Variants in CCDC191 observed in about 807,000 individuals in gnomAD.
The protein encoded by CCDC191 is coiled-coil domain-containing protein 191.
A neutral mutation model predicts 114.0 loss-of-function variants in CCDC191; 99 were observed. That is an observed-to-expected ratio of 0.87 (90% CI 0.74 to 1.03). The LOEUF is 1.03. Among genes scored for constraint, CCDC191 ranks in the 50% least tolerant of loss-of-function variants. CCDC191 has a pLI of 0.00. For missense variants in CCDC191, 973 were observed against 1,087.0 expected (o/e 0.90, Z 1.47); for synonymous variants, 351 against 376.0 (o/e 0.93, Z 0.77).
rs1238458380 is a variant in CCDC191, at chr3:113,979,539, T to TATC, written c.2308-532_2308-530dup. ...ATAATTTAATGTCTTTTCAACTGAGTATCATTCTATCAAAATAAACATACA... is the reference window on the plus strand; with the variant it reads ...ATAATTTAATGTCTTTTCAACTGAGTATCATCATTCTATCAAAATAAACATACA... On this transcript the variant is annotated intron_variant, in intron 14 of 16. Coordinates refer to ENST00000295878, the MANE Select transcript of CCDC191 (RefSeq NM_020817.2). 2.0e-5 allele frequency among the ~76,000 whole-genome samples: 3 copies of TATC among 152,196 alleles called. No individual in the cohort carries two copies. In the East Asian group the frequency reaches 5.8e-4, roughly 29 times the overall value.
intron 2 of CCDC191, among the ~76,000 whole-genome samples, chr3:114,052,491 T>C (rs1310909543): frequency 1.3e-5 from 2 of 152,166 alleles, no homozygotes; most frequent in East Asian, 1.9e-4. Context: ...TTCATGATGG[T>C]AGATCCACTT....
At chr3:114,032,562 T>C (rs745692010) in intron 6 of CCDC191, among the ~76,000 whole-genome samples, 11 of 152,200 alleles carry the variant, frequency 7.2e-5, no homozygotes, top group Non-Finnish European at 1.5e-4. Context: ...TCATGAGCTC[T>C]GGCCACAAAC....
intron 4 of CCDC191, among the ~76,000 whole-genome samples, chr3:114,041,703 A>C (rs1361969020): frequency 6.6e-6 from 1 of 152,180 alleles, no homozygotes; most frequent in Non-Finnish European, 1.5e-5. Flanking sequence ...GCAGAGTCCT[A>C]AACAAGGAGA....
rs1245353144 is a variant in CCDC191, at chr3:114,036,799, G to C, written c.416-13C>G. 1 of 1,490,208 alleles carries C rather than the reference G, an allele frequency of 6.7e-7. No homozygotes were observed. The highest frequency in any genetic ancestry group is 1.4e-5 in the South Asian group (1 of 69,132). 92.3% of individuals were successfully genotyped at this position (1,490,208 alleles called of 1,614,324 possible). On this transcript the variant is annotated splice_polypyrimidine_tract_variant and intron_variant, in intron 4 of 16. Coordinates refer to ENST00000295878, the MANE Select transcript of CCDC191 (RefSeq NM_020817.2). Reference sequence around the variant, plus strand: ...TAGCCACATAAATCTGGGGGAAACAGAACAACAAAAAAGGGAATTTTTTTA... The same window carrying C: ...TAGCCACATAAATCTGGGGGAAACACAACAACAAAAAAGGGAATTTTTTTA...
At chr3:113,984,773 ATGTT>A (rs1366602911) in intron 13 of CCDC191, 12 of 152,218 alleles carry the variant, frequency 7.9e-5, no homozygotes, top group African/African-American at 2.9e-4. Context: ...TAAAAGGAAA[ATGTT>A]TGGGCTTGAT....
Position 114,014,375 on chromosome 3 carries a change from C to T in CCDC191, c.1164-3354G>A, listed in dbSNP as rs188500387. 2.0e-4 allele frequency among the ~76,000 whole-genome samples: 30 copies of T among 152,288 alleles called. 1 individual carries two copies. Among genetic ancestry groups the T allele is most frequent in the African/African-American group, 9.6e-5 (4 of 41,562 alleles). On this transcript the variant is annotated intron_variant, in intron 8 of 16. Transcript: ENST00000295878. The stretch of plus-strand genomic sequence containing the variant: ...GAGTTTACCAGGTGAAGATACCATG[C>T]GGCTTCTGGCTGCTCACCTGCATAC...
At chr3:114,047,230 G>C in intron 2 of CCDC191, 2 of 506,796 alleles carry the variant, frequency 3.9e-6, no homozygotes, top group Non-Finnish European at 5.1e-6. Flanking sequence ...CAGAATCACT[G>C]AACTGTAGCC....
chr3:114,023,940 T>G (rs1193412475), intron 7 of CCDC191, among the ~76,000 whole-genome samples: 1 of 151,526 alleles, frequency 6.6e-6, no homozygotes, highest in Non-Finnish European at 1.5e-5. Flanking sequence ...TGGGAGAAAA[T>G]TTTTGCAATC....
At chr3:113,967,315 A>G (rs1940297827) in intron 16 of CCDC191, among the ~76,000 whole-genome samples, 1 of 151,774 alleles carries the variant, frequency 6.6e-6, no homozygotes, top group South Asian at 2.1e-4. Context: ...CTGCTGTTCT[A>G]CCCTAACTGA....
intron 13 of CCDC191, among the ~76,000 whole-genome samples, chr3:113,998,407 G>A (rs562383751): frequency 6.6e-6 from 1 of 151,984 alleles, no homozygotes; most frequent in Non-Finnish European, 1.5e-5. Context: ...GGAGATGACA[G>A]CTCCACCGGT....
chr3:113,976,163 G>A (rs554694060), intron 16 of CCDC191, among the ~76,000 whole-genome samples: 5 of 152,206 alleles, frequency 3.3e-5, no homozygotes, highest in Admixed American at 2.0e-4. Flanking sequence ...GGAGGCTGAG[G>A]CATGAGAATC....
chr3:114,037,778 A>G (rs1333372268), intron 4 of CCDC191, among the ~76,000 whole-genome samples: 1 of 152,186 alleles, frequency 6.6e-6, no homozygotes, highest in Non-Finnish European at 1.5e-5. Flanking sequence ...ATTACTTATG[A>G]TACCCAATAC....
chr3:114,037,667 G>A (rs949130071), intron 4 of CCDC191, among the ~76,000 whole-genome samples: 6 of 151,914 alleles, frequency 3.9e-5, no homozygotes, highest in East Asian at 1.9e-4. Context: ...AGGACCTCCC[G>A]AGAATATCAA....
rs144846948 is a variant in CCDC191, at chr3:114,053,343, A to G, written c.129+254T>C. Among the ~76,000 whole-genome samples the G allele has an allele frequency of 9.3e-4, 142 of 152,294 alleles. 3 individuals carry two copies. In the East Asian group the frequency reaches 0.015, roughly 16 times the overall value. On this transcript the variant is annotated intron_variant, in intron 2 of 16. Transcript: ENST00000295878. ...TTTCACAACTCCTTTAATCCTCTTC[A>G]TGTGATACTCATGGCATTTGAAACG...
intron 4 of CCDC191, among the ~76,000 whole-genome samples, chr3:114,041,814 C>G (rs936836581): frequency 1.3e-5 from 2 of 152,122 alleles, no homozygotes; most frequent in African/African-American, 4.8e-5. Context: ...AATACTCAGA[C>G]CCTTGAGTGT....
chr3:114,047,004 CTTTTG>C (rs1198352553), intron 2 of CCDC191: 4 of 960,772 alleles, frequency 4.2e-6, no homozygotes, highest in African/African-American at 1.8e-5. Context: ...ATTTAGATAA[CTTTTG>C]TTTAGGGCAT....
intron 7 of CCDC191, among the ~76,000 whole-genome samples, chr3:114,023,456 T>C (rs1006308281): frequency 6.6e-6 from 1 of 152,220 alleles, no homozygotes; most frequent in Non-Finnish European, 1.5e-5. Context: ...CTTCAAGCTA[T>C]ACTACAAGGC....
chr3:114,030,561 C>G (rs1268772089), intron 7 of CCDC191, among the ~76,000 whole-genome samples: 2 of 152,160 alleles, frequency 1.3e-5, no homozygotes, highest in Non-Finnish European at 2.9e-5. Context: ...ACATTTCCTT[C>G]TGTTTTCCTG....
intron 16 of CCDC191, among the ~76,000 whole-genome samples, chr3:113,969,348 CT>C (rs1312306390): frequency 1.3e-5 from 2 of 152,180 alleles, no homozygotes; most frequent in African/African-American, 4.8e-5. Flanking sequence ...AACTTTTTAG[CT>C]TGATGTAATC....
Sources: gnomAD v4.1 joint callset for allele counts (sites outside exome capture counted in the v4.1 genomes callset) on GRCh38, gnomAD v4.1.1 for gene constraint, MANE v1.5 for transcripts, NCBI Gene and HGNC (gene_info 2026-07-23, HGNC 2026-07-21) for gene names.